FAT3: variants seen among roughly 807,000 people sequenced by gnomAD.
The protein encoded by FAT3 is protocadherin Fat 3.
Under a neutral mutation model 310.2 loss-of-function variants are expected in FAT3, and 95 were observed. That is an observed-to-expected ratio of 0.31 (90% confidence interval 0.26 to 0.36). The LOEUF is 0.36. Ranked by LOEUF, FAT3 falls within the 10% of genes least tolerant of loss-of-function variation. The pLI, the probability that FAT3 is intolerant of heterozygous loss-of-function variation, is 1.00. For missense variants in FAT3, 5,408 were observed against 5,715.6 expected (o/e 0.95, Z 1.74); for synonymous variants, 2,314 against 2,192.9 (o/e 1.06, Z -1.54).
intron 3 of FAT3, among the ~76,000 whole-genome samples, chr11:92,534,869 G>T (rs1183072634): frequency 6.6e-6 from 1 of 152,146 alleles, no homozygotes; most frequent in Admixed American, 6.5e-5. Flanking sequence ...AAAACCCAAA[G>T]CCAAGAGAAA....
chr11:92,831,295 T>C (rs1036935750), intron 13 of FAT3, among the ~76,000 whole-genome samples: 2 of 152,090 alleles, frequency 1.3e-5, no homozygotes, highest in Non-Finnish European at 2.9e-5. Context: ...GGTTTCTATT[T>C]CTCTTTCTGT....
At position 92,882,759 on chromosome 11, in the gene FAT3, G is replaced by C. The variant is rs2136407801; in HGVS notation, c.12303G>C (p.Glu4101Asp). 5 of 1,608,586 alleles carry C rather than the reference G, an allele frequency of 3.1e-6. No individual in the cohort carries two copies. The highest frequency in any genetic ancestry group is 4.2e-6 in the Non-Finnish European group (5 of 1,177,318). Residue 4101 changes from glutamate to aspartate, a missense_variant, in exon 24 of 28, where the codon GAG becomes GAC. By Grantham distance (45) the Glu-to-Asp change is conservative (BLOSUM62 2). Coordinates refer to ENST00000525166, the MANE Select transcript of FAT3 (RefSeq NM_001367949.2). ...GCAGGTGTGAGGAGGACATCAATGA[G>C]TGCGAACGAGAGGAGTGTGAGAACG... Reference protein sequence around the residue: ...TGVTCEEDINECEREECENGG... With the variant: ...TGVTCEEDINDCEREECENGG...
At chr11:92,472,042 A>G (rs1241792864) in intron 2 of FAT3, among the ~76,000 whole-genome samples, 1 of 150,706 alleles carries the variant, frequency 6.6e-6, no homozygotes, top group Non-Finnish European at 1.5e-5. Flanking sequence ...ATTATTAGGT[A>G]TTATTTTGGG....
chr11:92,802,184 G>T (rs1158104038), intron 10 of FAT3, among the ~76,000 whole-genome samples: 1 of 152,122 alleles, frequency 6.6e-6, no homozygotes, highest in African/African-American at 2.4e-5. Context: ...TTAAAAAGGA[G>T]TCCAGCCAAA....
chr11:92,443,258 T>A (rs994543983), intron 2 of FAT3, among the ~76,000 whole-genome samples: 2 of 152,204 alleles, frequency 1.3e-5, no homozygotes, highest in Admixed American at 6.5e-5. Context: ...AAATAAGCTT[T>A]CCTAATTTAG....
intron 3 of FAT3, among the ~76,000 whole-genome samples, chr11:92,556,286 G>A (rs1282598589): frequency 6.6e-6 from 1 of 152,080 alleles, no homozygotes; most frequent in Non-Finnish European, 1.5e-5. Context: ...TTATCTACCA[G>A]ACTCCTGGAT....
At chr11:92,289,233 G>A (rs1163711655) in intron 1 of FAT3, among the ~76,000 whole-genome samples, 3 of 152,018 alleles carry the variant, frequency 2.0e-5, no homozygotes, top group Non-Finnish European at 1.5e-5. Context: ...CTCTTGGGTC[G>A]GATGATTCCA....
intron 23 of FAT3, 24 bp from the exon 24 acceptor site, chr11:92,882,714 G>T (rs1949700622): frequency 1.3e-6 from 2 of 1,574,968 alleles, no homozygotes; most frequent in African/African-American, 2.7e-5. Flanking sequence ...CTGACGGTGG[G>T]GAGGGGCTTC....
At chr11:92,486,958 T>C (rs1010685191) in intron 2 of FAT3, among the ~76,000 whole-genome samples, 11 of 152,108 alleles carry the variant, frequency 7.2e-5, no homozygotes, top group African/African-American at 2.7e-4. Flanking sequence ...CTAACCCTGA[T>C]TGGATAAGGG....
At chr11:92,483,254 C>A (rs917174084) in intron 2 of FAT3, among the ~76,000 whole-genome samples, 5 of 152,174 alleles carry the variant, frequency 3.3e-5, no homozygotes, top group African/African-American at 1.2e-4. Flanking sequence ...GTCCATCATA[C>A]CCTGACTGCT....
chr11:92,608,239 G>T (rs1940395788), intron 3 of FAT3, among the ~76,000 whole-genome samples: 1 of 152,060 alleles, frequency 6.6e-6, no homozygotes, highest in Non-Finnish European at 1.5e-5. Flanking sequence ...TTAATTTAAT[G>T]CATTTTATTT....
rs1338097198 is a variant in FAT3, at chr11:92,353,699, C to T, written c.1587C>T (p.Ser529=). The part of the protein sequence containing the change: ...FVINQFTGVI[S]TTEELDFESS... ...TTAATCAGTTTACAGGTGTTATTAG[C>T]ACAACTGAAGAACTGGATTTTGAAT... is the stretch of plus-strand genomic sequence containing the variant. The change falls in exon 2 of 28, where the codon AGC becomes AGT. Residue 529 remains serine (S), a synonymous_variant. Coordinates refer to ENST00000525166, the MANE Select transcript of FAT3 (RefSeq NM_001367949.2). The T allele has an allele frequency of 1.2e-6, 2 of 1,613,898 alleles. No individual in the cohort carries two copies. Among genetic ancestry groups the T allele is most frequent in the East Asian group, 4.5e-5 (2 of 44,874 alleles).
chr11:92,753,806 ATATG>A (rs1051360006), intron 4 of FAT3, among the ~76,000 whole-genome samples: 7 of 100,984 alleles, frequency 6.9e-5, no homozygotes, highest in Non-Finnish European at 1.4e-4. Flanking sequence ...GTGTATATAT[ATATG>A]GTGGAATACT....
chr11:92,563,085 AG>A (rs1302828812), intron 3 of FAT3, among the ~76,000 whole-genome samples: 6 of 152,214 alleles, frequency 3.9e-5, no homozygotes, highest in Non-Finnish European at 8.8e-5. Flanking sequence ...ATTTAGAAAG[AG>A]CTGGAGAATG....
At chr11:92,534,918 A>T (rs1315565996) in intron 3 of FAT3, among the ~76,000 whole-genome samples, 1 of 152,280 alleles carries the variant, frequency 6.6e-6, no homozygotes, top group East Asian at 1.9e-4. Context: ...TGAAAAATGG[A>T]CAGTTGTGTA....
At chr11:92,461,229 A>T (rs1477652488) in intron 2 of FAT3, among the ~76,000 whole-genome samples, 1 of 152,098 alleles carries the variant, frequency 6.6e-6, no homozygotes, top group African/African-American at 2.4e-5. Flanking sequence ...TTCTCTGTGG[A>T]TGAGAGGAGA....
At chr11:92,765,131 A>C in intron 6 of FAT3, 42 bp downstream of exon 6, 1 of 1,401,406 alleles carries the variant, frequency 7.1e-7, no homozygotes, top group Non-Finnish European at 9.7e-7. Context: ...CAATGTAATA[A>C]TTGACTGAAG....
chr11:92,706,337 A>T (rs906646362), intron 4 of FAT3, among the ~76,000 whole-genome samples: 1 of 152,122 alleles, frequency 6.6e-6, no homozygotes, highest in South Asian at 2.1e-4. Flanking sequence ...GAGCTAGTAC[A>T]TTCAAAACAG....
intron 2 of FAT3, among the ~76,000 whole-genome samples, chr11:92,378,420 A>G (rs1333883725): frequency 6.6e-6 from 1 of 152,122 alleles, no homozygotes; most frequent in East Asian, 1.9e-4. Flanking sequence ...ATTGGTGCTG[A>G]AGCTCACCAA....
Sources: allele counts gnomAD v4.1 joint callset (sites outside exome capture counted in the v4.1 genomes callset), GRCh38; gene constraint gnomAD v4.1.1; transcripts MANE v1.5; gene names NCBI Gene and HGNC (gene_info 2026-07-23, HGNC 2026-07-21).